The following PCNX1 variants were observed in gnomAD, a reference collection of about 807,000 sequenced individuals.
The protein encoded by PCNX1 is pecanex-like protein 1.
A neutral mutation model predicts 242.2 loss-of-function variants in PCNX1; 78 were observed. The ratio of observed to expected loss-of-function variants is 0.32; its 90% CI spans 0.27 to 0.39. The LOEUF (loss-of-function observed/expected upper bound fraction) is 0.39. PCNX1 is among the 10% of genes least tolerant of loss of function. The pLI, the probability that PCNX1 is intolerant of heterozygous loss-of-function variation, is 1.00. For synonymous variants in PCNX1, 1,024 were observed against 1,032.9 expected, an observed-to-expected ratio of 0.99 and a Z score of 0.17; for missense variants, 2,581 against 2,856.5, an observed-to-expected ratio of 0.90 and a Z score of 2.20.
intron 19 of PCNX1, among the ~76,000 whole-genome samples, chr14:71,041,898 A>G (rs1446777649): frequency 6.6e-6 from 1 of 151,976 alleles, no homozygotes; most frequent in East Asian, 1.9e-4. Context: ...TTGTATTGGA[A>G]ATTTTTAAAT....
chr14:70,910,638 G>A (rs1052661335), intron 1 of PCNX1, among the ~76,000 whole-genome samples: 1 of 152,144 alleles, frequency 6.6e-6, no homozygotes, highest in Non-Finnish European at 1.5e-5. Flanking sequence ...GCTCTCACAA[G>A]ACTCCATAGC....
Position 70,977,208 on chromosome 14 carries a change from G to A in PCNX1, c.871G>A (p.Val291Met), listed in dbSNP as rs746234502. 3 of 1,614,090 alleles carry A rather than the reference G, an allele frequency of 1.9e-6. No individual in the cohort carries two copies. Among genetic ancestry groups the A allele is most frequent in the East Asian group, 4.5e-5 (2 of 44,898 alleles). ...TGTACCACGGACTTCTAGCTCTGCT[G>A]TGGCTTTTCCAGACACTTCACTGAA... ...RGVPRTSSSA[V>M]AFPDTSLNDF... Residue 291 changes from valine to methionine, a missense_variant, in exon 6 of 36, where the codon GTG (valine) becomes ATG (methionine). By Grantham distance (21) the Val-to-Met change is conservative (BLOSUM62 1). Around this residue, in one of 9 missense-constraint regions of PCNX1, gnomAD observed 1,204 missense variants for 1,216.7 expected, o/e 0.99. Transcript: ENST00000304743.
intron 1 of PCNX1, among the ~76,000 whole-genome samples, chr14:70,917,916 T>C (rs1221939773): frequency 6.6e-6 from 1 of 152,234 alleles, no homozygotes; most frequent in Non-Finnish European, 1.5e-5. Context: ...TCTGGATAAC[T>C]TGCTGCAGCT....
intron 1 of PCNX1, among the ~76,000 whole-genome samples, chr14:70,917,761 C>CCTGT (rs2056207309): frequency 6.6e-6 from 1 of 152,172 alleles, no homozygotes; most frequent in Admixed American, 6.5e-5. Flanking sequence ...AAAGAGTCAG[C>CCTGT]CTGTCTTTTG....
intron 2 of PCNX1, among the ~76,000 whole-genome samples, chr14:70,951,299 T>C (rs1480698858): frequency 6.6e-6 from 1 of 152,192 alleles, no homozygotes; most frequent in Non-Finnish European, 1.5e-5. Flanking sequence ...GGCTTTATAA[T>C]ATGTTTAATA....
intron 32 of PCNX1, 100 bp from the exon 33 acceptor site, chr14:71,105,135 A>T: frequency 1.2e-6 from 1 of 836,256 alleles, no homozygotes; most frequent in South Asian, 1.6e-5. Flanking sequence ...AAAGGTGAAC[A>T]TTAGTAGCAT....
intron 8 of PCNX1, among the ~76,000 whole-genome samples, chr14:71,000,003 G>A (rs2059456017): frequency 6.6e-6 from 1 of 151,998 alleles, no homozygotes; most frequent in Admixed American, 6.6e-5. Context: ...TCATTCATCT[G>A]AACAAAAAAG....
At chr14:71,045,650 G>T (rs1297916827) in intron 20 of PCNX1, among the ~76,000 whole-genome samples, 1 of 151,998 alleles carries the variant, frequency 6.6e-6, no homozygotes, top group Admixed American at 6.6e-5. Context: ...CCTCTTTAAG[G>T]CCTCTCTATT....
intron 31 of PCNX1, 60 bp downstream of exon 31, chr14:71,102,280 A>ATTT: frequency 1.9e-6 from 2 of 1,025,650 alleles, no homozygotes; most frequent in Non-Finnish European, 2.8e-6. Flanking sequence ...TTGATCTAAA[A>ATTT]TTTTTTTTTT....
intron 1 of PCNX1, among the ~76,000 whole-genome samples, chr14:70,942,102 G>C (rs2057274015): frequency 6.6e-6 from 1 of 152,120 alleles, no homozygotes; most frequent in Non-Finnish European, 1.5e-5. Context: ...GCCCAGTCCT[G>C]CTTTGGCTTA....
chr14:70,976,911 T>A, intron 5 of PCNX1, 31 bp from the exon 6 acceptor site: 1 of 1,583,980 alleles, frequency 6.3e-7, no homozygotes, highest in Middle Eastern at 1.7e-4. Flanking sequence ...ATACATTTAT[T>A]TTAACATTTC....
chr14:70,987,518 G>A (rs2059034493), intron 6 of PCNX1, among the ~76,000 whole-genome samples: 1 of 152,164 alleles, frequency 6.6e-6, no homozygotes, highest in Non-Finnish European at 1.5e-5. Context: ...ACAAGTAAAG[G>A]AATTTAAAGG....
At chr14:71,096,967 C>T (rs970954180) in intron 30 of PCNX1, among the ~76,000 whole-genome samples, 1 of 152,144 alleles carries the variant, frequency 6.6e-6, no homozygotes, top group Admixed American at 6.5e-5. Flanking sequence ...CTTCTCACCC[C>T]ATACAGAGAA....
Position 71,108,513 on chromosome 14 carries a change from G to T in PCNX1, c.6302-91G>T. ...AGTTCTGTCAGTTCACCAATTAATT[G>T]CTTAGGGGAAAAAGTCTTAGAAACT... On this transcript the variant is annotated intron_variant, in intron 33 of 35. Coordinates refer to ENST00000304743, the MANE Select transcript of PCNX1 (RefSeq NM_014982.3). 3.1e-6 allele frequency: 3 copies of T among 977,242 alleles called. No individual in the cohort carries two copies. The South Asian group carries it at 4.8e-5, about 16-fold the overall frequency. 60.5% of individuals were successfully genotyped at this position (977,242 alleles called of 1,614,324 possible).
In PCNX1 at chr14:70,986,339, A is replaced by G. The variant is rs1437587696; in HGVS notation, c.2312-2228A>G. On this transcript the variant is annotated intron_variant, in intron 6 of 35. Transcript: ENST00000304743. The stretch of plus-strand genomic sequence containing the variant: ...ATTCCACTTTAACATTGTTCACTGG[A>G]TGCCTAAACTTTCCTCTTGATGTGT... Among the ~76,000 whole-genome samples, 4 of 152,358 alleles carry G rather than the reference A, an allele frequency of 2.6e-5. 1 individual carries two copies. The highest frequency in any genetic ancestry group is 6.8e-3 in the Middle Eastern group (2 of 294).
chr14:71,021,277 G>GT (rs1456328306), intron 12 of PCNX1, among the ~76,000 whole-genome samples: 27 of 152,256 alleles, frequency 1.8e-4, no homozygotes, highest in Admixed American at 1.7e-3. Context: ...ATTTAAAGTA[G>GT]TTTTTTCTAA....
chr14:71,093,398 A>G (rs1199467320), intron 30 of PCNX1: 2 of 152,096 alleles, frequency 1.3e-5, no homozygotes, highest in African/African-American at 4.8e-5. Context: ...GCACCACACT[A>G]GAAGTATTAA....
At chr14:71,065,526 G>C (rs1304671291) in intron 26 of PCNX1, among the ~76,000 whole-genome samples, 1 of 152,112 alleles carries the variant, frequency 6.6e-6, no homozygotes, top group African/African-American at 2.4e-5. Context: ...TTAACCCTTT[G>C]TCAGATGGAT....
intron 1 of PCNX1, among the ~76,000 whole-genome samples, chr14:70,935,130 T>C (rs1335328765): frequency 1.3e-5 from 2 of 152,230 alleles, no homozygotes; most frequent in Non-Finnish European, 2.9e-5. Flanking sequence ...AAAATAAATG[T>C]GTAACTTTTG....
Sources: allele counts gnomAD v4.1 joint callset (sites outside exome capture counted in the v4.1 genomes callset), GRCh38; gene constraint gnomAD v4.1.1; regional missense constraint gnomAD v4.1.1; transcripts MANE v1.5; gene names NCBI Gene and HGNC (gene_info 2026-07-23, HGNC 2026-07-21).